The following TEDC2 variants were observed in gnomAD, a reference collection of about 807,000 sequenced individuals.
TEDC2 encodes the protein tubulin epsilon and delta complex protein 2.
TEDC2 carries 49 observed loss-of-function variants against 48.1 expected under a neutral mutation model. That is an observed-to-expected ratio of 1.02 (90% CI 0.81 to 1.29). TEDC2 has a LOEUF of 1.29. TEDC2 is among the 50% of genes most tolerant of loss of function. The probability of loss-of-function intolerance (pLI) is 0.00; values close to 1 mark genes in which losing one functional copy is unlikely to be tolerated. For missense variants in TEDC2, 631 were observed against 571.4 expected, an observed-to-expected ratio of 1.10 and a Z score of -1.06; for synonymous variants, 299 against 247.1, an observed-to-expected ratio of 1.21 and a Z score of -1.97.
intron 5 of TEDC2, among the ~76,000 whole-genome samples, 154 bp from the exon 6 acceptor site, chr16:2,461,995 G>A (rs1022756776): frequency 1.3e-5 from 2 of 152,156 alleles, no homozygotes; most frequent in Admixed American, 6.5e-5. Flanking sequence ...GGTTCCCTGC[G>A]GCCTCTGGAG....
chr16:2,463,059 C>T (rs781208084), intron 8 of TEDC2, among the ~76,000 whole-genome samples: 2 of 152,228 alleles, frequency 1.3e-5, no homozygotes, highest in Non-Finnish European at 2.9e-5. Flanking sequence ...CGGTGGCTCA[C>T]GCCTGTAATC....
chr16:2,460,159 C>A lies in TEDC2; in HGVS notation c.15C>A (p.Gly5=). 6 of 1,342,938 alleles carry A rather than the reference C, an allele frequency of 4.5e-6. No homozygotes were observed. The highest frequency in any genetic ancestry group is 5.7e-6 in the Non-Finnish European group (6 of 1,055,050). The allele number at this position is 1,342,938 out of a possible 1,614,324, so 83.2% of individuals were successfully genotyped here. A position where few individuals can be genotyped will look rare whatever the true frequency, so the allele number is the denominator to read the frequency against. Residue 5 remains glycine (G), a synonymous_variant, in exon 1 of 10, where the codon GGC becomes GGA. Coordinates refer to ENST00000361837, the MANE Select transcript of TEDC2 (RefSeq NM_025108.3). ...CCGCCGCCTTCATGCTGCCGGCGGGCTGCTCGCGCCGGTGAGGCCTGCGCG... is the reference window on the plus strand; with the variant it reads ...CCGCCGCCTTCATGCTGCCGGCGGGATGCTCGCGCCGGTGAGGCCTGCGCG... MLPA[G]CSRRLVAELQ...
rs1596940068 is a variant in TEDC2 at position 2,462,606 on chromosome 16, C to T, written c.863-25C>T. ...GGTTTCCAGACTGCCACGGGCCCCACCTGCTCTCCCTGACTCTTCTGCAGC... is the reference window on the plus strand; with the variant it reads ...GGTTTCCAGACTGCCACGGGCCCCATCTGCTCTCCCTGACTCTTCTGCAGC... On this transcript the variant is annotated intron_variant, in intron 7 of 9. Coordinates refer to ENST00000361837, the MANE Select transcript of TEDC2 (RefSeq NM_025108.3). 2.0e-6 allele frequency: 3 copies of T among 1,536,602 alleles called. No homozygotes were observed. The East Asian group carries it at 7.3e-5, about 37-fold the overall frequency.
chr16:2,463,944 C>T lies in TEDC2; in HGVS notation c.965-95C>T, dbSNP rs2065483009. On this transcript the variant is annotated intron_variant, in intron 8 of 9. Transcript: ENST00000361837. ...GCCCACCTTTCTCCTAAAGGCAGGGCAGGTGGTGCAGATGCGGGAGGGCCA... is the reference window on the plus strand; with the variant it reads ...GCCCACCTTTCTCCTAAAGGCAGGGTAGGTGGTGCAGATGCGGGAGGGCCA... 5 of 1,321,790 alleles carry T rather than the reference C, an allele frequency of 3.8e-6. No homozygotes were observed. In the East Asian group the frequency reaches 1.2e-4, roughly 32 times the overall value. The allele number at this position is 1,321,790 out of a possible 1,614,324, so 81.9% of individuals were successfully genotyped here.
Position 2,460,235 on chromosome 16 carries a change from C to G in TEDC2, c.27-48C>G, listed in dbSNP as rs1388379518. On this transcript the variant is annotated intron_variant, in intron 1 of 9. Transcript: ENST00000361837. The stretch of plus-strand genomic sequence containing the variant: ...CGGGCCGGTAGCCAGGCGCGGGGCC[C>G]GAGGCCCGACGCTGGCCGAGGTGCT... 6 of 1,482,992 alleles carry G rather than the reference C, an allele frequency of 4.0e-6. No homozygotes were observed. The African/African-American group carries it at 7.4e-5, about 18-fold the overall frequency. The allele number at this position is 1,482,992 out of a possible 1,614,324, so 91.9% of individuals were successfully genotyped here.
Position 2,460,635 on chromosome 16 carries a change from G to A in TEDC2, c.138G>A (p.Gly46=). 6.2e-7 allele frequency: 1 copy of A among 1,612,982 alleles called. No homozygotes were observed. Among genetic ancestry groups the A allele is most frequent in the African/African-American group, 1.3e-5 (1 of 75,064 alleles). Residue 46 remains glycine, a synonymous_variant, in exon 3 of 10, where the codon GGG becomes GGA. Coordinates refer to ENST00000361837, the MANE Select transcript of TEDC2 (RefSeq NM_025108.3). The stretch of plus-strand genomic sequence containing the variant: ...CGTGTCTTTGCAGGGAACCAACTGG[G>A]ACCCGGGCTTTGAAGCCACCTCCAG... The part of the protein sequence containing the change: ...RRLLHAWEPT[G]TRALKPPPGP...
intron 2 of TEDC2, 67 bp downstream of exon 2, chr16:2,460,448 A>G: frequency 6.6e-7 from 1 of 1,520,294 alleles, no homozygotes; most frequent in Non-Finnish European, 8.8e-7. Flanking sequence ...CCGAGCGCCC[A>G]GGGCTGGGAG....
rs2065490731 is a variant in TEDC2 at position 2,464,832 on chromosome 16, G to A, written c.*164G>A. 2.0e-6 allele frequency: 2 copies of A among 1,013,774 alleles called. No individual in the cohort carries two copies. Among genetic ancestry groups the A allele is most frequent in the Admixed American group, 5.3e-5 (2 of 37,554 alleles). 62.8% of individuals were successfully genotyped at this position (1,013,774 alleles called of 1,614,324 possible). On this transcript the variant is annotated 3_prime_UTR_variant, in exon 10 of 10. Transcript: ENST00000361837. ...TCAGGACAACTAAGCCTGCTGGTCA[G>A]GGCTGGCTTTCAGCCTTCCTAAGGC... is the stretch of plus-strand genomic sequence containing the variant.
rs543010727 is a variant in TEDC2, at chr16:2,462,700, A to G, written c.932A>G (p.Gln311Arg). 270 of 1,544,918 alleles carry G rather than the reference A, an allele frequency of 1.7e-4. 3 individuals carry two copies. The East Asian group carries it at 6.5e-3, about 37-fold the overall frequency. Reference sequence around the variant, plus strand: ...GAGGGGCTGCAGGCCATGGTGGGCCAGTGTCTGCACAGGCTGCAGGAGCTG... The same window carrying G: ...GAGGGGCTGCAGGCCATGGTGGGCCGGTGTCTGCACAGGCTGCAGGAGCTG... Reference protein sequence around the residue: ...TLEGLQAMVGQCLHRLQELRA... With the variant: ...TLEGLQAMVGRCLHRLQELRA... Residue 311 changes from glutamine to arginine, a missense_variant, in exon 8 of 10, where the codon CAG (glutamine) becomes CGG (arginine). Gln to Arg is a conservative substitution (Grantham distance 43, BLOSUM62 1). Coordinates refer to ENST00000361837, the MANE Select transcript of TEDC2 (RefSeq NM_025108.3).
At position 2,462,174 on chromosome 16, in the gene TEDC2, C is replaced by T. The variant is rs779750185; in HGVS notation, c.685C>T (p.Gln229Ter). 1.2e-6 allele frequency: 2 copies of T among 1,613,228 alleles called. No individual in the cohort carries two copies. Among genetic ancestry groups the T allele is most frequent in the Non-Finnish European group, 1.7e-6 (2 of 1,180,050 alleles). Residue 229 changes from glutamine (Q) to a stop codon, truncating the protein, a stop_gained, in exon 6 of 10, where the codon CAG becomes TAG. Coordinates refer to ENST00000361837, the MANE Select transcript of TEDC2 (RefSeq NM_025108.3). LOFTEE classifies it high-confidence loss of function. ...CCTGTGGGCCCAGCTCAGTTCCACACAGACCAGTGATTCCACGGATGCCGC... is the reference window on the plus strand; with the variant it reads ...CCTGTGGGCCCAGCTCAGTTCCACATAGACCAGTGATTCCACGGATGCCGC... ...SSLWAQLSST[Q>*]TSDSTDAAAA...
intron 7 of TEDC2, 36 bp downstream of exon 7, chr16:2,462,562 G>A: frequency 3.2e-6 from 5 of 1,569,872 alleles, no homozygotes; most frequent in Non-Finnish European, 4.3e-6. Flanking sequence ...GGAGGAGTGT[G>A]GAGGGCCAGT....
Position 2,464,806 on chromosome 16 carries a change from C to T in TEDC2, c.*138C>T, listed in dbSNP as rs1252953173. On this transcript the variant is annotated 3_prime_UTR_variant, in exon 10 of 10. Coordinates refer to ENST00000361837, the MANE Select transcript of TEDC2 (RefSeq NM_025108.3). Reference sequence around the variant, plus strand: ...GGACCAGGTGGCCTCACTGGCTCTTCTCAGGACAACTAAGCCTGCTGGTCA... The same window carrying T: ...GGACCAGGTGGCCTCACTGGCTCTTTTCAGGACAACTAAGCCTGCTGGTCA... 1 of 1,202,286 alleles carries T rather than the reference C, an allele frequency of 8.3e-7. No homozygotes were observed. Among genetic ancestry groups the T allele is most frequent in the Non-Finnish European group, 1.2e-6 (1 of 860,730 alleles). The allele number at this position is 1,202,286 out of a possible 1,614,324, so 74.5% of individuals were successfully genotyped here. A position where few individuals can be genotyped will look rare whatever the true frequency, so the allele number is the denominator to read the frequency against.
chr16:2,464,844 A>G lies in TEDC2; in HGVS notation c.*176A>G. ...AGCCTGCTGGTCAGGGCTGGCTTTC[A>G]GCCTTCCTAAGGCTCCTGGACTCCA... On this transcript the variant is annotated 3_prime_UTR_variant, in exon 10 of 10. Coordinates refer to ENST00000361837, the MANE Select transcript of TEDC2 (RefSeq NM_025108.3). The G allele has an allele frequency of 2.3e-6, 2 of 880,674 alleles. No homozygotes were observed. Among genetic ancestry groups the G allele is most frequent in the South Asian group, 3.5e-5 (2 of 56,574 alleles). The allele number at this position is 880,674 out of a possible 1,614,324, so 54.6% of individuals were successfully genotyped here.
rs2065463188 is a variant in TEDC2 at position 2,461,003 on chromosome 16, A to G, written c.384A>G (p.Gln128=). The G allele has an allele frequency of 6.2e-7, 1 of 1,613,046 alleles. No homozygotes were observed. Among genetic ancestry groups the G allele is most frequent in the East Asian group, 2.2e-5 (1 of 44,860 alleles). The change falls in exon 4 of 10, where the codon CAA becomes CAG. Residue 128 remains glutamine, a synonymous_variant. Coordinates refer to ENST00000361837, the MANE Select transcript of TEDC2 (RefSeq NM_025108.3). ...TASAPPHSPG[Q]AGGHASDTRP... is the part of the protein sequence containing the mutation. The stretch of plus-strand genomic sequence containing the variant: ...CCGCCCCACCGCATTCCCCAGGCCA[A>G]GCTGGTGGCCATGCTTCAGACACGA...
At chr16:2,461,316 A>C (rs1596938976) in intron 4 of TEDC2, 92 bp downstream of exon 4, 2 of 1,394,738 alleles carry the variant, frequency 1.4e-6, no homozygotes, top group East Asian at 5.2e-5. Flanking sequence ...GTGACAGGGA[A>C]GGCAGGGCAT....
Position 2,461,734 on chromosome 16 carries a change from G to T in TEDC2, c.606-13G>T. 6.2e-7 allele frequency: 1 copy of T among 1,613,248 alleles called. No individual in the cohort carries two copies. The highest frequency in any genetic ancestry group is 8.5e-7 in the Non-Finnish European group (1 of 1,179,962). ...CAAGGCGATGCTCCTCTGAACACGG[G>T]CTTCTCCGACAGGCACCTGCTGCGG... On this transcript the variant is annotated splice_polypyrimidine_tract_variant and intron_variant, in intron 4 of 9. Transcript: ENST00000361837.
chr16:2,461,026 C>T lies in TEDC2; in HGVS notation c.407C>T (p.Thr136Met), dbSNP rs757255614. Reference sequence around the variant, plus strand: ...CAAGCTGGTGGCCATGCTTCAGACACGAGACCCACCAAGGGCCTCCGCCAG... The same window carrying T: ...CAAGCTGGTGGCCATGCTTCAGACATGAGACCCACCAAGGGCCTCCGCCAG... ...PGQAGGHASD[T>M]RPTKGLRQTT... Residue 136 changes from threonine to methionine, a missense_variant, in exon 4 of 10, where the codon ACG (threonine) becomes ATG (methionine). Coordinates refer to ENST00000361837, the MANE Select transcript of TEDC2 (RefSeq NM_025108.3). 12 of 1,612,196 alleles carry T rather than the reference C, an allele frequency of 7.4e-6. No individual in the cohort carries two copies. The South Asian group carries it at 1.1e-4, about 15-fold the overall frequency.
At chr16:2,464,250 G>A in intron 9 of TEDC2, 21 bp downstream of exon 9, 2 of 1,607,118 alleles carry the variant, frequency 1.2e-6, no homozygotes, top group Non-Finnish European at 1.7e-6. Context: ...AAGAGGAGGT[G>A]GGGGTGCAAC....
rs772882650 is a variant in TEDC2, at chr16:2,460,177, C to T, written c.26+7C>T. 17 of 1,391,042 alleles carry T rather than the reference C, an allele frequency of 1.2e-5. No individual in the cohort carries two copies. In the African/African-American group the frequency reaches 2.3e-4, roughly 19 times the overall value. 86.2% of individuals were successfully genotyped at this position (1,391,042 alleles called of 1,614,324 possible). ...CGGCGGGCTGCTCGCGCCGGTGAGG[C>T]CTGCGCGGCAGGAGGGGGTGGGAGG... On this transcript the variant is annotated splice_region_variant and intron_variant, in intron 1 of 9. Coordinates refer to ENST00000361837, the MANE Select transcript of TEDC2 (RefSeq NM_025108.3).
Sources: allele counts gnomAD v4.1 joint callset (sites outside exome capture counted in the v4.1 genomes callset), GRCh38; gene constraint gnomAD v4.1.1; transcripts MANE v1.5; gene names NCBI Gene and HGNC (gene_info 2026-07-23, HGNC 2026-07-21).